Variants in NBEA observed in about 807,000 individuals in gnomAD.
The protein encoded by NBEA is lysosomal-trafficking regulator 2.
NBEA carries 44 observed loss-of-function variants against 343.4 expected under a neutral mutation model. The ratio of observed to expected loss-of-function variants is 0.13; its 90% CI spans 0.10 to 0.16. The LOEUF (loss-of-function observed/expected upper bound fraction) is 0.16. NBEA is among the 10% of genes least tolerant of loss of function. The pLI is 1.00. For missense variants in NBEA, 2,555 were observed against 3,631.3 expected (o/e 0.70, Z 7.62); for synonymous variants, 1,175 against 1,238.7 (o/e 0.95, Z 1.08).
chr13:35,587,748 A>T (rs528102599), intron 46 of NBEA, among the ~76,000 whole-genome samples: 21 of 152,266 alleles, frequency 1.4e-4, no homozygotes, highest in African/African-American at 4.6e-4. Context: ...TCAGCTAAAC[A>T]CTTTCTCAAA....
At chr13:34,974,081 G>A (rs1347906128) in intron 1 of NBEA, among the ~76,000 whole-genome samples, 1 of 152,192 alleles carries the variant, frequency 6.6e-6, no homozygotes, top group Non-Finnish European at 1.5e-5. Context: ...TCCTGGGGTT[G>A]CACATTCACT....
chr13:35,353,707 A>G (rs951443914), intron 38 of NBEA, among the ~76,000 whole-genome samples: 2 of 152,140 alleles, frequency 1.3e-5, no homozygotes, highest in Non-Finnish European at 1.5e-5. Context: ...ATCCTTGAAC[A>G]TCTTTATTAA....
chr13:35,653,328 CTTTTT>C (rs139682136), intron 53 of NBEA, among the ~76,000 whole-genome samples: 3 of 114,030 alleles, frequency 2.6e-5, no homozygotes, highest in Non-Finnish European at 1.8e-5. Context: ...TTCTTGGGTT[CTTTTT>C]TTTTTTTTTT....
rs940029996 is a variant in NBEA, at chr13:35,173,332, C to G, written c.4424-132C>G. 8 of 715,004 alleles carry G rather than the reference C, an allele frequency of 1.1e-5. No individual in the cohort carries two copies. In the Admixed American group the frequency reaches 1.4e-4, roughly 12 times the overall value. The allele number at this position is 715,004 out of a possible 1,614,324, so 44.3% of individuals were successfully genotyped here. ...TTTCATAATTTTGAAAATTATTGAT[C>G]TAGTTGATTTTAAGATTAATAGTTT... On this transcript the variant is annotated intron_variant, in intron 26 of 58. Coordinates refer to ENST00000379939, the MANE Select transcript of NBEA (RefSeq NM_001385012.1).
At chr13:35,553,211 GA>G (rs2079423946) in intron 43 of NBEA, among the ~76,000 whole-genome samples, 1 of 152,044 alleles carries the variant, frequency 6.6e-6, no homozygotes, top group South Asian at 2.1e-4. Context: ...TTCTTTATAA[GA>G]AAACTGAAAA....
intron 34 of NBEA, among the ~76,000 whole-genome samples, chr13:35,245,094 G>T (rs2030973198): frequency 1.3e-5 from 2 of 151,866 alleles, no homozygotes; most frequent in Admixed American, 1.3e-4. Context: ...CTCTTGTTTG[G>T]TCTGATATAA....
At chr13:35,440,568 G>A (rs1006293404) in intron 39 of NBEA, among the ~76,000 whole-genome samples, 3 of 152,154 alleles carry the variant, frequency 2.0e-5, no homozygotes, top group South Asian at 2.1e-4. Flanking sequence ...GTGGAAAAAG[G>A]GAGCACATAA....
At chr13:35,275,935 G>A (rs2034552024) in intron 34 of NBEA, among the ~76,000 whole-genome samples, 1 of 152,010 alleles carries the variant, frequency 6.6e-6, no homozygotes, top group African/African-American at 2.4e-5. Flanking sequence ...AACCAACATG[G>A]CACGTATATA....
intron 34 of NBEA, among the ~76,000 whole-genome samples, chr13:35,278,854 T>A (rs1297228517): frequency 6.6e-6 from 1 of 152,188 alleles, no homozygotes; most frequent in Non-Finnish European, 1.5e-5. Context: ...TGCTCAACTT[T>A]CCCATAACAT....
rs924844159 is a variant in NBEA at position 35,627,990 on chromosome 13, T to TCA, written c.7450-91_7450-90insCA. 7.4e-6 allele frequency: 7 copies of TCA among 945,464 alleles called. No individual in the cohort carries two copies. The African/African-American group carries it at 1.0e-4, about 14-fold the overall frequency. The allele number at this position is 945,464 out of a possible 1,614,324, so 58.6% of individuals were successfully genotyped here. A position where few individuals can be genotyped will look rare whatever the true frequency, so the allele number is the denominator to read the frequency against. ...AAATTTAAAGAGCATATTCTCCTTT[T>TCA]TATATATATTTCAAAGTAAAAAAAA... On this transcript the variant is annotated intron_variant, in intron 48 of 58. Transcript: ENST00000379939.
chr13:35,035,973 C>G (rs1310553803), intron 1 of NBEA, among the ~76,000 whole-genome samples: 1 of 151,898 alleles, frequency 6.6e-6, no homozygotes, highest in Non-Finnish European at 1.5e-5. Flanking sequence ...TTTAGTTAGT[C>G]TGTGTCTTTT....
chr13:35,171,268 A>G lies in NBEA; in HGVS notation c.4243-4A>G. 1.2e-6 allele frequency: 2 copies of G among 1,605,348 alleles called. No homozygotes were observed. Among genetic ancestry groups the G allele is most frequent in the South Asian group, 1.1e-5 (1 of 90,028 alleles). Reference sequence around the variant, plus strand: ...CAAGACTTAAATCTTCTACTTTTTTAAAGACGGAATTGGAAAATATTGAAG... The same window carrying G: ...CAAGACTTAAATCTTCTACTTTTTTGAAGACGGAATTGGAAAATATTGAAG... On this transcript the variant is annotated splice_region_variant and splice_polypyrimidine_tract_variant and intron_variant, in intron 25 of 58. Coordinates refer to ENST00000379939, the MANE Select transcript of NBEA (RefSeq NM_001385012.1).
At chr13:35,503,401 T>G (rs1422336829) in intron 41 of NBEA, among the ~76,000 whole-genome samples, 1 of 151,880 alleles carries the variant, frequency 6.6e-6, no homozygotes, top group Admixed American at 6.6e-5. Flanking sequence ...TAACCCACAT[T>G]ATTCACACAA....
At chr13:35,367,594 T>A (rs2041195446) in intron 38 of NBEA, among the ~76,000 whole-genome samples, 1 of 151,202 alleles carries the variant, frequency 6.6e-6, no homozygotes, top group African/African-American at 2.4e-5. Context: ...CTATTACCAT[T>A]ATTCAGTAAG....
At chr13:35,446,443 A>G (rs1354170390) in intron 39 of NBEA, among the ~76,000 whole-genome samples, 5 of 152,198 alleles carry the variant, frequency 3.3e-5, no homozygotes, top group African/African-American at 1.2e-4. Flanking sequence ...ACAGTGTAAA[A>G]GTGTTCCTAT....
At chr13:35,520,651 T>G (rs1227801037) in intron 41 of NBEA, among the ~76,000 whole-genome samples, 1 of 152,102 alleles carries the variant, frequency 6.6e-6, no homozygotes, top group Non-Finnish European at 1.5e-5. Context: ...CCAACTAGCT[T>G]CAGGAATTGA....
chr13:35,413,561 A>G (rs185309540), intron 38 of NBEA, among the ~76,000 whole-genome samples: 12 of 152,254 alleles, frequency 7.9e-5, no homozygotes, highest in African/African-American at 2.4e-4. Flanking sequence ...CATGCTCATA[A>G]GCTGAAAATG....
chr13:35,627,597 C>A (rs2083283968), intron 48 of NBEA, among the ~76,000 whole-genome samples: 1 of 152,092 alleles, frequency 6.6e-6, no homozygotes, highest in South Asian at 2.1e-4. Flanking sequence ...GAAAGATATT[C>A]CCTTCTAGTC....
chr13:34,982,642 T>C (rs2060396355), intron 1 of NBEA, among the ~76,000 whole-genome samples: 1 of 152,180 alleles, frequency 6.6e-6, no homozygotes, highest in Non-Finnish European at 1.5e-5. Context: ...AGACAGGATC[T>C]GTGGACTTCA....
Sources: gnomAD v4.1 joint callset for allele counts (sites outside exome capture counted in the v4.1 genomes callset) on GRCh38, gnomAD v4.1.1 for gene constraint, MANE v1.5 for transcripts, NCBI Gene and HGNC (gene_info 2026-07-23, HGNC 2026-07-21) for gene names.